Variants in SEL1L2 observed in about 807,000 individuals in gnomAD.
The protein encoded by SEL1L2 is SEL1L2 adaptor subunit of SYVN1 ubiquitin ligase.
SEL1L2 carries 89 observed loss-of-function variants against 98.8 expected under a neutral mutation model. The ratio of observed to expected loss-of-function variants is 0.90; its 90% CI spans 0.76 to 1.07. The LOEUF (loss-of-function observed/expected upper bound fraction) is 1.07, where lower values mean the gene tolerates loss of function less well. Ranked by LOEUF, SEL1L2 falls within the 50% of genes least tolerant of loss-of-function variation. The pLI is 0.00. For synonymous variants in SEL1L2, 262 were observed against 278.5 expected (o/e 0.94, Z 0.59); for missense variants, 788 against 812.0 (o/e 0.97, Z 0.36).
rs974069560 is a variant in SEL1L2, at chr20:13,926,760, C to G, written c.283+4843G>C. Among the ~76,000 whole-genome samples the G allele has an allele frequency of 2.0e-5, 3 of 152,238 alleles. No homozygotes were observed. In the East Asian group the frequency reaches 5.8e-4, roughly 29 times the overall value. Reference sequence around the variant, plus strand: ...GAAAAATAATCAATAAAATGGAATGCAAATGTTAAATTTAGCCTAGCTGGT... The same window carrying G: ...GAAAAATAATCAATAAAATGGAATGGAAATGTTAAATTTAGCCTAGCTGGT... On this transcript the variant is annotated intron_variant, in intron 3 of 19. Coordinates refer to ENST00000284951, the MANE Select transcript of SEL1L2 (RefSeq NM_025229.2).
rs1600751573 is a variant in SEL1L2 at position 13,920,256 on chromosome 20, T to TGG, written c.284-1134_284-1133insCC. Among the ~76,000 whole-genome samples the TGG allele has an allele frequency of 2.7e-5, 4 of 146,692 alleles. No individual in the cohort carries two copies. In the East Asian group the frequency reaches 8.1e-4, roughly 30 times the overall value. ...AAAAAAAAAAAAAAAAAATTCTACC[T>TGG]AAGGCTTTTCCACCTCCCAGGACCC... is the stretch of plus-strand genomic sequence containing the variant. On this transcript the variant is annotated intron_variant, in intron 3 of 19. Coordinates refer to ENST00000284951, the MANE Select transcript of SEL1L2 (RefSeq NM_025229.2).
At chr20:13,861,081 C>T (rs1990051183) in intron 17 of SEL1L2, among the ~76,000 whole-genome samples, 1 of 152,218 alleles carries the variant, frequency 6.6e-6, no homozygotes, top group Admixed American at 6.5e-5. Flanking sequence ...CTGCCTATTC[C>T]AGCCTACAAT....
chr20:13,894,887 G>T (rs2047355932), intron 5 of SEL1L2, among the ~76,000 whole-genome samples: 1 of 152,146 alleles, frequency 6.6e-6, no homozygotes, highest in Non-Finnish European at 1.5e-5. Context: ...GGACCAAATG[G>T]CTTCACTAGA....
intron 3 of SEL1L2, among the ~76,000 whole-genome samples, chr20:13,925,340 T>C (rs1292896041): frequency 6.6e-6 from 1 of 152,174 alleles, no homozygotes; most frequent in Admixed American, 6.5e-5. Flanking sequence ...TTATATTGGT[T>C]TAGAAGTTTT....
At chr20:13,870,520 T>G (rs2147857891) in intron 12 of SEL1L2, among the ~76,000 whole-genome samples, 1 of 152,328 alleles carries the variant, frequency 6.6e-6, no homozygotes, top group East Asian at 1.9e-4. Context: ...GAAGAAGCCA[T>G]GATCCCTGCC....
chr20:13,918,379 T>C (rs979966106), intron 4 of SEL1L2, among the ~76,000 whole-genome samples: 5 of 152,110 alleles, frequency 3.3e-5, no homozygotes, highest in Non-Finnish European at 7.4e-5. Context: ...ACTGGAAGTG[T>C]GGAGTGGAGG....
chr20:13,924,568 G>A (rs1045727308), intron 3 of SEL1L2, among the ~76,000 whole-genome samples: 5 of 151,978 alleles, frequency 3.3e-5, no homozygotes, highest in Non-Finnish European at 4.4e-5. Context: ...TGGGACTACT[G>A]GTATGTGCCA....
intron 12 of SEL1L2, among the ~76,000 whole-genome samples, chr20:13,874,189 A>T (rs1162939841): frequency 1.3e-5 from 2 of 152,234 alleles, no homozygotes; most frequent in Admixed American, 6.5e-5. Flanking sequence ...AACGTCACAT[A>T]CAGTCACTGT....
intron 13 of SEL1L2, 105 bp from the exon 14 acceptor site, chr20:13,869,695 T>C: frequency 1.3e-6 from 1 of 742,310 alleles, no homozygotes; most frequent in Non-Finnish European, 2.3e-6. Flanking sequence ...CTATGTGATT[T>C]AGGGTAATTA....
intron 5 of SEL1L2, among the ~76,000 whole-genome samples, chr20:13,907,977 G>A (rs74512158): frequency 2.8e-4 from 42 of 150,956 alleles, no homozygotes; most frequent in African/African-American, 9.5e-4. Context: ...TGTAAAGATA[G>A]GGTCTTACTA....
At chr20:13,893,239 A>T (rs929261846) in intron 5 of SEL1L2, among the ~76,000 whole-genome samples, 6 of 152,074 alleles carry the variant, frequency 3.9e-5, no homozygotes, top group African/African-American at 1.4e-4. Context: ...TCGATTTTGC[A>T]CTGAAGGCTG....
chr20:13,865,629 G>T, intron 15 of SEL1L2, 115 bp from the exon 16 acceptor site: 1 of 849,158 alleles, frequency 1.2e-6, no homozygotes, highest in East Asian at 2.5e-5. Flanking sequence ...AGGATTTTAG[G>T]TCTAAAACAT....
chr20:13,989,363 C>T lies in SEL1L2; in HGVS notation c.58+1114G>A, dbSNP rs187168089. Among the ~76,000 whole-genome samples the T allele has an allele frequency of 2.6e-5, 4 of 152,084 alleles. No homozygotes were observed. The East Asian group carries it at 5.8e-4, about 22-fold the overall frequency. The stretch of plus-strand genomic sequence containing the variant: ...GCTCATTTATTAGTTCTAATAGTTT[C>T]GTAGTTGATTCCATACGATTTTCTG... On this transcript the variant is annotated intron_variant, in intron 1 of 19. Coordinates refer to ENST00000284951, the MANE Select transcript of SEL1L2 (RefSeq NM_025229.2).
chr20:13,913,725 G>T, intron 5 of SEL1L2, 57 bp downstream of exon 5: 1 of 1,405,050 alleles, frequency 7.1e-7, no homozygotes, highest in Non-Finnish European at 9.4e-7. Flanking sequence ...TTCACATGCT[G>T]TCTATAGTTA....
At chr20:13,974,072 A>G (rs1490048129) in intron 1 of SEL1L2, among the ~76,000 whole-genome samples, 3 of 151,992 alleles carry the variant, frequency 2.0e-5, no homozygotes, top group African/African-American at 7.2e-5. Context: ...ATTGGATTCT[A>G]TCTTCTTTGT....
chr20:13,932,958 A>G (rs916617122), intron 2 of SEL1L2, among the ~76,000 whole-genome samples: 5 of 152,080 alleles, frequency 3.3e-5, no homozygotes, highest in African/African-American at 4.8e-5. Flanking sequence ...TACATCTGCC[A>G]GCATTTTATG....
chr20:13,866,711 A>T lies in SEL1L2; in HGVS notation c.1395T>A (p.Thr465=). ...TGTGVVRSCR[T]AVELYKGVCE... ...CGCATATTATATTTACCTCCACAGCAGTTCTGCATGATCTTACTACTCCTG... is the reference window on the plus strand; with the variant it reads ...CGCATATTATATTTACCTCCACAGCTGTTCTGCATGATCTTACTACTCCTG... Residue 465 remains threonine, a synonymous_variant, in exon 15 of 20, where the codon ACT becomes ACA. Transcript: ENST00000284951. The T allele has an allele frequency of 1.3e-6, 2 of 1,583,662 alleles. No individual in the cohort carries two copies. Among genetic ancestry groups the T allele is most frequent in the Non-Finnish European group, 1.7e-6 (2 of 1,168,794 alleles).
chr20:13,945,993 A>C (rs1464434402), intron 2 of SEL1L2, among the ~76,000 whole-genome samples: 1 of 152,204 alleles, frequency 6.6e-6, no homozygotes, highest in African/African-American at 2.4e-5. Context: ...GGTTAATATC[A>C]TACTCAATGG....
intron 14 of SEL1L2, among the ~76,000 whole-genome samples, chr20:13,868,750 G>A (rs1415141549): frequency 6.6e-6 from 1 of 151,964 alleles, no homozygotes; most frequent in Admixed American, 6.6e-5. Flanking sequence ...TGGGACTACA[G>A]GCAGCCGCCA....
Sources: allele counts gnomAD v4.1 joint callset (sites outside exome capture counted in the v4.1 genomes callset), GRCh38; gene constraint gnomAD v4.1.1; transcripts MANE v1.5; gene names NCBI Gene and HGNC (gene_info 2026-07-23, HGNC 2026-07-21).